GSE1: variants seen among roughly 807,000 people sequenced by gnomAD.
The protein encoded by GSE1 is Gse1 coiled-coil protein, also known as genetic suppressor element 1.
A neutral mutation model predicts 112.6 loss-of-function variants in GSE1; 32 were observed. The observed-to-expected ratio is 0.28, with a 90% CI of 0.21 to 0.38. GSE1 has a LOEUF of 0.38. Among genes scored for constraint, GSE1 ranks in the 10% least tolerant of loss-of-function variants. The pLI is 1.00. For synonymous variants in GSE1, 1,115 were observed against 735.6 expected (o/e 1.52, Z -8.35); for missense variants, 2,348 against 1,699.2 (o/e 1.38, Z -6.71).
intron 1 of GSE1, among the ~76,000 whole-genome samples, chr16:85,238,456 C>T (rs1018983603): frequency 9.2e-5 from 14 of 152,176 alleles, no homozygotes; most frequent in African/African-American, 1.4e-4. Flanking sequence ...CCCTTGGCTC[C>T]GGGCTCTGCA....
chr16:85,525,533 G>A (rs905951261), intron 2 of GSE1, among the ~76,000 whole-genome samples: 11 of 152,216 alleles, frequency 7.2e-5, no homozygotes, highest in African/African-American at 2.4e-4. Flanking sequence ...CTTTCCTGTG[G>A]GGGTGAATAC....
intron 1 of GSE1, among the ~76,000 whole-genome samples, chr16:85,182,498 C>T (rs74379213): frequency 0.013 from 1,990 of 152,292 alleles, 25 homozygotes; most frequent in Non-Finnish European, 0.021. Context: ...CTTTCTCTTC[C>T]GGAAACTGCG....
At chr16:85,215,840 C>A (rs1366352367) in intron 1 of GSE1, among the ~76,000 whole-genome samples, 1 of 152,258 alleles carries the variant, frequency 6.6e-6, no homozygotes, top group East Asian at 1.9e-4. Context: ...TTCCCCCGTC[C>A]CCACCGTAAC....
At chr16:85,452,668 C>T (rs2049719088) in intron 2 of GSE1, among the ~76,000 whole-genome samples, 1 of 152,264 alleles carries the variant, frequency 6.6e-6, no homozygotes, top group Admixed American at 6.5e-5. Context: ...TGGTCTTCTC[C>T]TCCTTAAGGC....
intron 2 of GSE1, among the ~76,000 whole-genome samples, chr16:85,647,367 G>T (rs1316542580): frequency 3.3e-5 from 5 of 152,208 alleles, no homozygotes; most frequent in African/African-American, 4.8e-5. Flanking sequence ...GGGGTAGGTC[G>T]TGGTGGTGGT....
At chr16:85,636,110 T>G (rs8063442) in intron 2 of GSE1, among the ~76,000 whole-genome samples, 88,711 of 152,174 alleles carry the variant, frequency 0.58, 26,216 homozygotes, top group African/African-American at 0.63. Context: ...CATGGCCTCG[T>G]GGCCCTGCTC....
At chr16:85,409,381 G>C (rs2048426361) in intron 2 of GSE1, among the ~76,000 whole-genome samples, 1 of 38,576 alleles carries the variant, frequency 2.6e-5, no homozygotes. Context: ...AGGCCCCCTG[G>C]ATAATCCTCA....
At chr16:85,588,253 T>C (rs1439492958) in intron 1 of GSE1, among the ~76,000 whole-genome samples, 2 of 152,212 alleles carry the variant, frequency 1.3e-5, no homozygotes, top group African/African-American at 4.8e-5. Context: ...GAACGCTGCA[T>C]TCCCTACATG....
chr16:85,527,261 C>A (rs8060010), intron 2 of GSE1, among the ~76,000 whole-genome samples: 1 of 152,218 alleles, frequency 6.6e-6, no homozygotes, highest in African/African-American at 2.4e-5. Context: ...CCTCGCCCAC[C>A]TGTGCACACG....
chr16:85,495,060 G>C (rs990283197), intron 2 of GSE1, among the ~76,000 whole-genome samples: 3 of 152,220 alleles, frequency 2.0e-5, no homozygotes, highest in Non-Finnish European at 2.9e-5. Context: ...GCCTTCCTAT[G>C]GGCTATGATC....
At chr16:85,384,889 C>T (rs12934157) in intron 2 of GSE1, among the ~76,000 whole-genome samples, 26,754 of 152,224 alleles carry the variant, frequency 0.18, 2,798 homozygotes, top group Middle Eastern at 0.29. Flanking sequence ...ACCCTGGGGG[C>T]CCTCAGGCAA....
intron 2 of GSE1, among the ~76,000 whole-genome samples, chr16:85,503,902 G>A (rs911168259): frequency 3.3e-5 from 5 of 152,322 alleles, no homozygotes; most frequent in East Asian, 1.9e-4. Context: ...TGGGGAATTC[G>A]CCGGCGCTTA....
At chr16:85,533,072 G>C (rs2044188534) in intron 2 of GSE1, among the ~76,000 whole-genome samples, 1 of 152,162 alleles carries the variant, frequency 6.6e-6, no homozygotes, top group South Asian at 2.1e-4. Context: ...CAACCCAGTG[G>C]GCTCTGGAAG....
At chr16:85,658,784 GC>G (rs2052186167) in intron 8 of GSE1, among the ~76,000 whole-genome samples, 1 of 150,834 alleles carries the variant, frequency 6.6e-6, no homozygotes, top group Non-Finnish European at 1.5e-5. Flanking sequence ...ACATCAGGGT[GC>G]CCTGACTCCT....
intron 1 of GSE1, among the ~76,000 whole-genome samples, chr16:85,201,433 G>C (rs772780046): frequency 6.6e-6 from 1 of 151,646 alleles, no homozygotes; most frequent in Admixed American, 6.6e-5. Flanking sequence ...CGAGGGCGGT[G>C]GATTGCTTGA....
chr16:85,670,177 C>G (rs1188251138), intron 14 of GSE1, among the ~76,000 whole-genome samples: 2 of 152,172 alleles, frequency 1.3e-5, no homozygotes, highest in Non-Finnish European at 2.9e-5. Context: ...TTTGTGTTGC[C>G]TGTGATTATT....
chr16:85,553,931 G>C (rs1478169881), upstream of GSE1, among the ~76,000 whole-genome samples: 1 of 152,198 alleles, frequency 6.6e-6, no homozygotes, highest in African/African-American at 2.4e-5. Context: ...TGGTTGGAGA[G>C]CGTTGGCAGG....
rs1281640867 is a variant in GSE1, at chr16:85,390,706, C to CT, written c.2464+33063_2464+33064insT. 3.0e-3 allele frequency among the ~76,000 whole-genome samples: 341 copies of CT among 114,630 alleles called. 1 individual carries two copies. Among genetic ancestry groups the CT allele is most frequent in the African/African-American group, 8.7e-3 (309 of 35,700 alleles). The allele number at this position is 114,630 out of a possible 152,430, so 75.2% of individuals were successfully genotyped here. ...TCCCCCCCACCGCCTTGTTCTGCCC[C>CT]CCCCACCCCTCCCCGCCACCGCCCA... On this transcript the variant is annotated intron_variant, in intron 2 of 2. Coordinates refer to the GSE1 transcript ENST00000637419.
chr16:85,612,348 T>G (rs1020556346), upstream of GSE1, among the ~76,000 whole-genome samples: 1 of 151,276 alleles, frequency 6.6e-6, no homozygotes, highest in African/African-American at 2.4e-5. Context: ...TTCAGGACGC[T>G]CCCTGAGTCA....
Sources: allele counts gnomAD v4.1 joint callset (sites outside exome capture counted in the v4.1 genomes callset), GRCh38; gene constraint gnomAD v4.1.1; transcripts MANE v1.5; gene names NCBI Gene and HGNC (gene_info 2026-07-23, HGNC 2026-07-21).